DDX10: variants seen among roughly 807,000 people sequenced by gnomAD.
The protein encoded by DDX10 is DEAD-box helicase 10.
In DDX10, 74 loss-of-function variants were observed where a neutral mutation model predicts 104.3. That is an observed-to-expected ratio of 0.71 (90% confidence interval 0.59 to 0.86). The LOEUF (loss-of-function observed/expected upper bound fraction) is 0.86. Ranked by LOEUF, DDX10 falls within the 40% of genes least tolerant of loss-of-function variation. The probability of loss-of-function intolerance (pLI) is 0.00; values close to 1 mark genes in which losing one functional copy is unlikely to be tolerated. For synonymous variants in DDX10, 351 were observed against 353.4 expected (o/e 0.99, Z 0.08); for missense variants, 952 against 1,040.0 (o/e 0.92, Z 1.16).
At chr11:108,727,972 A>G (rs1837994815) in intron 13 of DDX10, among the ~76,000 whole-genome samples, 1 of 152,142 alleles carries the variant, frequency 6.6e-6, no homozygotes, top group Non-Finnish European at 1.5e-5. Context: ...GAGTGAAAAC[A>G]TGATCCTTAT....
At chr11:108,928,254 T>C (rs1863933160) in intron 17 of DDX10, among the ~76,000 whole-genome samples, 1 of 152,208 alleles carries the variant, frequency 6.6e-6, no homozygotes, top group Admixed American at 6.5e-5. Flanking sequence ...TCTCGCTACA[T>C]GGAATAATAT....
At chr11:108,666,682 A>C (rs2094210572) in intron 1 of DDX10, among the ~76,000 whole-genome samples, 1 of 152,140 alleles carries the variant, frequency 6.6e-6, no homozygotes, top group African/African-American at 2.4e-5. Flanking sequence ...CTGTGGCTGC[A>C]TAACTCCAGT....
chr11:108,707,309 T>G (rs2094277477), intron 10 of DDX10, among the ~76,000 whole-genome samples: 1 of 152,208 alleles, frequency 6.6e-6, no homozygotes, highest in South Asian at 2.1e-4. Context: ...TACTGATCTT[T>G]TTACTGTCTC....
chr11:108,723,926 G>A (rs2094302019), intron 13 of DDX10, among the ~76,000 whole-genome samples: 1 of 152,128 alleles, frequency 6.6e-6, no homozygotes, highest in African/African-American at 2.4e-5. Flanking sequence ...AAATTGAACA[G>A]TTCTTTTTTA....
intron 16 of DDX10, among the ~76,000 whole-genome samples, chr11:108,886,517 C>T (rs1321228302): frequency 6.6e-6 from 1 of 152,100 alleles, no homozygotes; most frequent in Non-Finnish European, 1.5e-5. Flanking sequence ...CTCCTATACC[C>T]CCTGGAAATC....
chr11:108,670,517 G>A (rs1240073461), intron 1 of DDX10, among the ~76,000 whole-genome samples: 1 of 152,216 alleles, frequency 6.6e-6, no homozygotes, highest in Non-Finnish European at 1.5e-5. Context: ...TTGACTAGGA[G>A]CAGCCCGGGG....
chr11:108,883,820 G>C (rs1294205125), intron 16 of DDX10, among the ~76,000 whole-genome samples: 1 of 152,118 alleles, frequency 6.6e-6, no homozygotes, highest in Non-Finnish European at 1.5e-5. Context: ...ACAGTTGTCT[G>C]TTCTCTCCTT....
At chr11:108,888,550 C>G (rs1484675143) in intron 16 of DDX10, among the ~76,000 whole-genome samples, 2 of 151,954 alleles carry the variant, frequency 1.3e-5, no homozygotes, top group African/African-American at 2.4e-5. Flanking sequence ...CTATATATTC[C>G]CTGCCTAACT....
intron 13 of DDX10, among the ~76,000 whole-genome samples, chr11:108,737,851 G>A (rs912170424): frequency 3.3e-5 from 5 of 152,014 alleles, no homozygotes; most frequent in African/African-American, 9.7e-5. Flanking sequence ...AATTAAAATG[G>A]CCTATTTCCT....
In DDX10 at chr11:108,719,294, A is replaced by G. The variant is rs570588920; in HGVS notation, c.1411-503A>G. On this transcript the variant is annotated intron_variant, in intron 11 of 17. Coordinates refer to ENST00000322536, the MANE Select transcript of DDX10 (RefSeq NM_004398.4). ...ACAATAATACAAAATATTATCAATA[A>G]CTAGCATTTGTTGTTACTATATTCC... 5.3e-5 allele frequency among the ~76,000 whole-genome samples: 8 copies of G among 152,268 alleles called. No individual in the cohort carries two copies. The South Asian group carries it at 1.7e-3, about 32-fold the overall frequency.
chr11:108,800,369 C>T (rs558932650), intron 13 of DDX10, among the ~76,000 whole-genome samples: 5 of 138,810 alleles, frequency 3.6e-5, no homozygotes, highest in East Asian at 4.3e-4. Flanking sequence ...GGCATCAACC[C>T]GGGAGGCAGA....
At chr11:108,846,681 G>T (rs36006135) in intron 15 of DDX10, among the ~76,000 whole-genome samples, 19,537 of 152,062 alleles carry the variant, frequency 0.13, 1,513 homozygotes, top group East Asian at 0.26. Flanking sequence ...GTTTGTTGAT[G>T]GGCACTTCAG....
intron 13 of DDX10, among the ~76,000 whole-genome samples, chr11:108,813,090 T>C (rs1862207083): frequency 6.6e-6 from 1 of 151,710 alleles, no homozygotes; most frequent in Non-Finnish European, 1.5e-5. Flanking sequence ...AAACAAATAC[T>C]ATTTGTACTT....
chr11:108,868,325 C>A (rs1268027807), intron 16 of DDX10: 1 of 151,204 alleles, frequency 6.6e-6, no homozygotes, highest in Admixed American at 6.6e-5. Flanking sequence ...TGATTGAAGA[C>A]CATGAAGGTA....
intron 13 of DDX10, among the ~76,000 whole-genome samples, chr11:108,804,782 G>A (rs1021549638): frequency 6.6e-6 from 1 of 152,142 alleles, no homozygotes; most frequent in Non-Finnish European, 1.5e-5. Context: ...TTTGCTGGCT[G>A]TTGGCTGGAG....
intron 16 of DDX10, among the ~76,000 whole-genome samples, chr11:108,905,313 G>GGA (rs1491187451): frequency 8.9e-5 from 2 of 22,426 alleles, no homozygotes; most frequent in Non-Finnish European, 1.9e-4. Context: ...GATTGTTTAA[G>GGA]GGGGGGGGGG....
chr11:108,676,746 A>G (rs144275481), intron 3 of DDX10, among the ~76,000 whole-genome samples: 1 of 152,194 alleles, frequency 6.6e-6, no homozygotes, highest in African/African-American at 2.4e-5. Context: ...GCCCAGCCAA[A>G]AGTTTTAGTG....
At chr11:108,791,647 C>G (rs959600712) in intron 13 of DDX10, among the ~76,000 whole-genome samples, 1 of 152,186 alleles carries the variant, frequency 6.6e-6, no homozygotes, top group Non-Finnish European at 1.5e-5. Context: ...TGGCAACTGA[C>G]AGAAAGCTAA....
chr11:108,871,656 C>T lies in DDX10; in HGVS notation c.2304+19447C>T, dbSNP rs75409644. 2.6e-3 allele frequency among the ~76,000 whole-genome samples: 398 copies of T among 152,292 alleles called. 11 individuals carry two copies. The East Asian group carries it at 0.062, about 24-fold the overall frequency. On this transcript the variant is annotated intron_variant, in intron 16 of 17. Transcript: ENST00000322536. ...AAGAAATTGAGCTTTGGGCTGGGCG[C>T]GTTGGCTCACGCCTCAATCCCAGCA...
Sources: allele counts gnomAD v4.1 joint callset (sites outside exome capture counted in the v4.1 genomes callset), GRCh38; gene constraint gnomAD v4.1.1; transcripts MANE v1.5; gene names NCBI Gene and HGNC (gene_info 2026-07-23, HGNC 2026-07-21).